DMRT1: variants seen among roughly 807,000 people sequenced by gnomAD.
DMRT1 encodes doublesex- and mab-3-related transcription factor 1.
A neutral mutation model predicts 32.3 loss-of-function variants in DMRT1; 7 were observed. The ratio of observed to expected loss-of-function variants is 0.22; its 90% CI spans 0.12 to 0.41. DMRT1 has a LOEUF of 0.41. Ranked by LOEUF, DMRT1 falls within the 10% of genes least tolerant of loss-of-function variation. DMRT1 has a pLI of 1.00. For synonymous variants in DMRT1, 278 were observed against 206.1 expected, an observed-to-expected ratio of 1.35 and a Z score of -2.99; for missense variants, 625 against 500.5, an observed-to-expected ratio of 1.25 and a Z score of -2.37.
chr9:919,577 G>T (rs1818291051), intron 4 of DMRT1, among the ~76,000 whole-genome samples: 2 of 152,204 alleles, frequency 1.3e-5, no homozygotes, highest in African/African-American at 4.8e-5. Context: ...GATCTTGCAG[G>T]TCTTTGTAAG....
intron 3 of DMRT1, among the ~76,000 whole-genome samples, chr9:904,083 G>A (rs944070116): frequency 2.6e-5 from 4 of 152,182 alleles, no homozygotes; most frequent in Non-Finnish European, 4.4e-5. Context: ...TTAGTCTTGC[G>A]AGGTTGTTAC....
intron 3 of DMRT1, among the ~76,000 whole-genome samples, chr9:915,238 A>G (rs1267702039): frequency 6.6e-6 from 1 of 152,202 alleles, no homozygotes; most frequent in African/African-American, 2.4e-5. Context: ...AGATGTGATC[A>G]TGAGTTGAAT....
intron 4 of DMRT1, among the ~76,000 whole-genome samples, chr9:951,856 T>A (rs1819437495): frequency 6.6e-6 from 1 of 152,140 alleles, no homozygotes; most frequent in Admixed American, 6.5e-5. Context: ...TTCTTCTGAT[T>A]CTGTTTCAGG....
chr9:944,234 T>C (rs1447382392), intron 4 of DMRT1, among the ~76,000 whole-genome samples: 1 of 152,220 alleles, frequency 6.6e-6, no homozygotes, highest in Non-Finnish European at 1.5e-5. Flanking sequence ...TTATTGGTTG[T>C]CCAGGAATTC....
chr9:929,371 T>G (rs1046654140), intron 4 of DMRT1, among the ~76,000 whole-genome samples: 11 of 152,220 alleles, frequency 7.2e-5, no homozygotes, highest in Middle Eastern at 3.4e-3. Flanking sequence ...GGCTCAAGTG[T>G]TCCTCCTGCC....
At chr9:959,417 C>T (rs1002344337) in intron 4 of DMRT1, among the ~76,000 whole-genome samples, 7 of 152,238 alleles carry the variant, frequency 4.6e-5, no homozygotes, top group African/African-American at 1.7e-4. Flanking sequence ...CCCTTTGCCT[C>T]TGTGTCCAGG....
chr9:856,132 G>T (rs956206389), intron 2 of DMRT1, among the ~76,000 whole-genome samples: 1 of 151,894 alleles, frequency 6.6e-6, no homozygotes, highest in Non-Finnish European at 1.5e-5. Context: ...GGCCAGGCTG[G>T]TCTCGAATTC....
rs564844445 is a variant in DMRT1, at chr9:883,955, A to G, written c.539-9957A>G. 5.3e-5 allele frequency among the ~76,000 whole-genome samples: 8 copies of G among 152,298 alleles called. No individual in the cohort carries two copies. The East Asian group carries it at 1.5e-3, about 29-fold the overall frequency. On this transcript the variant is annotated intron_variant, in intron 2 of 4. Coordinates refer to ENST00000382276, the MANE Select transcript of DMRT1 (RefSeq NM_021951.3). Reference sequence around the variant, plus strand: ...AACTCAGAAGCTAAGTAGGACAAACACCATGCAAGATATGGGGTTACAAAG... The same window carrying G: ...AACTCAGAAGCTAAGTAGGACAAACGCCATGCAAGATATGGGGTTACAAAG...
At chr9:890,085 G>GTTTTTTTTTTTTTTTTTTT (rs35228255) in intron 2 of DMRT1, among the ~76,000 whole-genome samples, 4 of 103,002 alleles carry the variant, frequency 3.9e-5, no homozygotes, top group African/African-American at 1.1e-4. Context: ...CACCAAACGT[G>GTTTTTTTTTTTTTTTTTTT]TTTTTTTTTT....
chr9:866,447 T>C (rs4742513), intron 2 of DMRT1, among the ~76,000 whole-genome samples: 43,501 of 152,028 alleles, frequency 0.29, 7,161 homozygotes, highest in African/African-American at 0.45. Flanking sequence ...CTGTGATCCA[T>C]TGCAAAAGGG....
chr9:857,633 T>C (rs1325778334), intron 2 of DMRT1, among the ~76,000 whole-genome samples: 1 of 152,090 alleles, frequency 6.6e-6, no homozygotes, highest in Non-Finnish European at 1.5e-5. Context: ...TCTTTTTTTT[T>C]CTATTATTAT....
chr9:842,590 C>G (rs1400806649), intron 1 of DMRT1: 1 of 201,524 alleles, frequency 5.0e-6, no homozygotes, highest in African/African-American at 2.4e-5. Context: ...CATGCGGGTC[C>G]TGGGTTGTGG....
chr9:927,440 G>C lies in DMRT1; in HGVS notation c.967+10533G>C, dbSNP rs115308784. On this transcript the variant is annotated intron_variant, in intron 4 of 4. Coordinates refer to ENST00000382276, the MANE Select transcript of DMRT1 (RefSeq NM_021951.3). ...TCAGCGGCCCTTTATAGTAAATCCA[G>C]ATTGCGATGTGACATTACAGTATAT... Among the ~76,000 whole-genome samples, 1,410 of 152,294 alleles carry C rather than the reference G, an allele frequency of 9.3e-3. 22 individuals carry two copies. Among genetic ancestry groups the C allele is most frequent in the African/African-American group, 0.033 (1,361 of 41,552 alleles).
At position 901,043 on chromosome 9, in the gene DMRT1, C is replaced by A. The variant is rs144261814; in HGVS notation, c.822+6848C>A. Among the ~76,000 whole-genome samples the A allele has an allele frequency of 7.3e-3, 1,100 of 151,638 alleles. 15 individuals carry two copies. The highest frequency in any genetic ancestry group is 0.022 in the African/African-American group (893 of 41,172). ...TTATTATTTTTTAATTGAGAAGGAT[C>A]TTGCTCTCTCACCCAGGCCAGAGTG... On this transcript the variant is annotated intron_variant, in intron 3 of 4. Coordinates refer to ENST00000382276, the MANE Select transcript of DMRT1 (RefSeq NM_021951.3).
chr9:943,343 C>G (rs1819139409), intron 4 of DMRT1, among the ~76,000 whole-genome samples: 1 of 152,208 alleles, frequency 6.6e-6, no homozygotes, highest in Admixed American at 6.5e-5. Flanking sequence ...AAAACAGTAA[C>G]AGGAGCCCTG....
At chr9:916,373 CTT>C (rs397893687) in intron 3 of DMRT1, among the ~76,000 whole-genome samples, 1 of 146,172 alleles carries the variant, frequency 6.8e-6, no homozygotes, top group Non-Finnish European at 1.5e-5. Flanking sequence ...CCTTAATTTG[CTT>C]TTTTTTTTTG....
At chr9:877,336 C>G (rs1431485855) in intron 2 of DMRT1, among the ~76,000 whole-genome samples, 1 of 152,164 alleles carries the variant, frequency 6.6e-6, no homozygotes, top group Non-Finnish European at 1.5e-5. Context: ...TGTCTCACCC[C>G]CCTGGAGGGT....
chr9:890,972 A>G (rs982716756), intron 2 of DMRT1, among the ~76,000 whole-genome samples: 3 of 151,586 alleles, frequency 2.0e-5, no homozygotes, highest in African/African-American at 7.3e-5. Context: ...TCAAATGATC[A>G]GACCTACCTC....
intron 4 of DMRT1, among the ~76,000 whole-genome samples, chr9:964,645 A>C (rs753062544): frequency 1.3e-5 from 2 of 152,076 alleles, no homozygotes; most frequent in Non-Finnish European, 2.9e-5. Flanking sequence ...TCCTGCCCCC[A>C]ACCCCAGTGC....
Sources: gnomAD v4.1 joint callset for allele counts (sites outside exome capture counted in the v4.1 genomes callset) on GRCh38, gnomAD v4.1.1 for gene constraint, MANE v1.5 for transcripts, NCBI Gene and HGNC (gene_info 2026-07-23, HGNC 2026-07-21) for gene names.